Variants in SULF1 observed in about 807,000 individuals in gnomAD.
SULF1 encodes the protein extracellular sulfatase Sulf-1.
Under a neutral mutation model 110.5 loss-of-function variants are expected in SULF1, and 46 were observed. The observed-to-expected ratio is 0.42, with a 90% CI of 0.33 to 0.53. SULF1 has a LOEUF of 0.53. Among genes scored for constraint, SULF1 ranks in the 20% least tolerant of loss-of-function variants. The probability of loss-of-function intolerance (pLI) is 0.12; values close to 1 mark genes in which losing one functional copy is unlikely to be tolerated. For missense variants in SULF1, 941 were observed against 1,094.2 expected (o/e 0.86, Z 1.98); for synonymous variants, 371 against 387.1 (o/e 0.96, Z 0.49).
chr8:69,614,011 A>G lies in SULF1; in HGVS notation c.1378-7024A>G, dbSNP rs186542367. ...GTCTTTGAATCCCAACCCAATACTCATCTCCATTAAAAATGGCTACCTCTT... is the reference window on the plus strand; with the variant it reads ...GTCTTTGAATCCCAACCCAATACTCGTCTCCATTAAAAATGGCTACCTCTT... On this transcript the variant is annotated intron_variant, in intron 13 of 22. Coordinates refer to ENST00000402687, the MANE Select transcript of SULF1 (RefSeq NM_001128205.2). Among the ~76,000 whole-genome samples, 97 of 152,312 alleles carry G rather than the reference A, an allele frequency of 6.4e-4. 2 individuals are homozygous for G. The East Asian group carries it at 0.015, about 24-fold the overall frequency.
At chr8:69,593,130 C>A in intron 8 of SULF1, 1 of 215,550 alleles carries the variant, frequency 4.6e-6, no homozygotes, top group Non-Finnish European at 8.0e-6. Flanking sequence ...GCCTTGAATT[C>A]CTGGCATCTT....
chr8:69,577,910 C>T (rs1805734354), intron 6 of SULF1, among the ~76,000 whole-genome samples: 1 of 152,176 alleles, frequency 6.6e-6, no homozygotes. Context: ...TCTTCTGCCT[C>T]ATTCCAAAAC....
At chr8:69,504,425 C>T (rs553752452) in intron 3 of SULF1, among the ~76,000 whole-genome samples, 4 of 151,982 alleles carry the variant, frequency 2.6e-5, no homozygotes, top group African/African-American at 9.6e-5. Flanking sequence ...CGTGGTGGTG[C>T]GCGCCTGTAA....
intron 19 of SULF1, among the ~76,000 whole-genome samples, chr8:69,633,283 G>C (rs1440980012): frequency 6.7e-6 from 1 of 150,138 alleles, no homozygotes; most frequent in East Asian, 1.9e-4. Context: ...AGATTTTCTG[G>C]TTCCATAGAT....
rs1053414703 is a variant in SULF1, at chr8:69,627,234, T to C, written c.1875T>C (p.Ser625=). Residue 625 remains serine, a synonymous_variant, in exon 16 of 23, where the codon TCT becomes TCC. Transcript: ENST00000402687. ...GGTGTTTTATTCTTCCCAATGACTC[T>C]ATCCATTGTGAGAGAGAACTGTACC... ...THKCFILPND[S]IHCERELYQS... 1.2e-6 allele frequency: 2 copies of C among 1,614,120 alleles called. No homozygotes were observed. Among genetic ancestry groups the C allele is most frequent in the Non-Finnish European group, 1.7e-6 (2 of 1,179,922 alleles).
chr8:69,472,804 C>T (rs2150531515), intron 1 of SULF1, among the ~76,000 whole-genome samples: 1 of 152,298 alleles, frequency 6.6e-6, no homozygotes, highest in South Asian at 2.1e-4. Context: ...CCATGTACTC[C>T]TGCACAGTAG....
chr8:69,554,230 C>A (rs10107234), intron 3 of SULF1, among the ~76,000 whole-genome samples: 54 of 152,020 alleles, frequency 3.6e-4, no homozygotes, highest in African/African-American at 1.3e-3. Flanking sequence ...GTGGAACACC[C>A]CTGGGTGTTT....
rs1806670279 is a variant in SULF1, at chr8:69,588,957, A to G, written c.565-15A>G. 6.3e-7 allele frequency: 1 copy of G among 1,599,202 alleles called. No homozygotes were observed. The highest frequency in any genetic ancestry group is 1.3e-5 in the African/African-American group (1 of 74,626). On this transcript the variant is annotated splice_polypyrimidine_tract_variant and intron_variant, in intron 7 of 22. Coordinates refer to ENST00000402687, the MANE Select transcript of SULF1 (RefSeq NM_001128205.2). ...CCTTTTGTAATTTTTGTTTTGTGTCAAATGTATGTTTCAGGACTACTTCAC... is the reference window on the plus strand; with the variant it reads ...CCTTTTGTAATTTTTGTTTTGTGTCGAATGTATGTTTCAGGACTACTTCAC...
intron 3 of SULF1, among the ~76,000 whole-genome samples, chr8:69,515,181 C>T (rs1216722888): frequency 6.6e-6 from 1 of 152,174 alleles, no homozygotes; most frequent in African/African-American, 2.4e-5. Context: ...CACAGGGCTC[C>T]ACTCCTGCAG....
intron 3 of SULF1, among the ~76,000 whole-genome samples, chr8:69,512,459 G>C (rs1168173381): frequency 1.3e-5 from 2 of 152,106 alleles, no homozygotes; most frequent in South Asian, 2.1e-4. Flanking sequence ...AAGAAATATG[G>C]TATTGTAAAA....
chr8:69,482,598 G>C (rs1184115400), intron 1 of SULF1, among the ~76,000 whole-genome samples: 1 of 151,858 alleles, frequency 6.6e-6, no homozygotes, highest in East Asian at 1.9e-4. Context: ...AGAGAGAGAG[G>C]GGCAGGGGGA....
rs532181408 is a variant in SULF1, at chr8:69,501,075, T to A, written c.-228-799T>A. ...CCATATGTATACGAAGGTACAACTGTAGTCACCAGTGGAAAAGTATGAAGA... is the reference window on the plus strand; with the variant it reads ...CCATATGTATACGAAGGTACAACTGAAGTCACCAGTGGAAAAGTATGAAGA... On this transcript the variant is annotated intron_variant, in intron 2 of 22. Coordinates refer to ENST00000402687, the MANE Select transcript of SULF1 (RefSeq NM_001128205.2). Among the ~76,000 whole-genome samples, 3 of 152,304 alleles carry A rather than the reference T, an allele frequency of 2.0e-5. No homozygotes were observed. The East Asian group carries it at 5.8e-4, about 29-fold the overall frequency.
At chr8:69,474,843 T>G (rs1809234926) in intron 1 of SULF1, among the ~76,000 whole-genome samples, 1 of 152,172 alleles carries the variant, frequency 6.6e-6, no homozygotes, top group Non-Finnish European at 1.5e-5. Flanking sequence ...AAAGATTAGA[T>G]GAGATAATAA....
intron 14 of SULF1, among the ~76,000 whole-genome samples, chr8:69,621,717 C>A (rs951452271): frequency 9.9e-5 from 15 of 152,114 alleles, no homozygotes; most frequent in African/African-American, 3.4e-4. Context: ...TGTTTTAGGA[C>A]AATATATGTA....
intron 22 of SULF1, among the ~76,000 whole-genome samples, chr8:69,656,310 T>C (rs1381576930): frequency 6.6e-6 from 1 of 152,216 alleles, no homozygotes; most frequent in Non-Finnish European, 1.5e-5. Context: ...TTGTTGTCGT[T>C]GTTGTTTATT....
At chr8:69,587,633 T>C (rs1171437493) in intron 7 of SULF1, among the ~76,000 whole-genome samples, 3 of 152,172 alleles carry the variant, frequency 2.0e-5, no homozygotes, top group Non-Finnish European at 4.4e-5. Context: ...TCATCCTAGG[T>C]CATATCCCCA....
At chr8:69,610,641 G>A (rs779493350) in intron 13 of SULF1, among the ~76,000 whole-genome samples, 4 of 152,178 alleles carry the variant, frequency 2.6e-5, no homozygotes, top group Non-Finnish European at 4.4e-5. Context: ...TGTATGAACA[G>A]TTGTTCATCT....
intron 22 of SULF1, among the ~76,000 whole-genome samples, chr8:69,646,426 ATTTTT>A (rs10578329): frequency 1.4e-5 from 2 of 145,068 alleles, no homozygotes; most frequent in Non-Finnish European, 1.5e-5. Flanking sequence ...TATTATCCTC[ATTTTT>A]TTTTTTTTTT....
intron 3 of SULF1, among the ~76,000 whole-genome samples, chr8:69,559,289 T>A (rs4440643): frequency 6.6e-6 from 1 of 152,160 alleles, no homozygotes; most frequent in Non-Finnish European, 1.5e-5. Context: ...CCATTGGTCA[T>A]CTTGTACTTC....
Sources: gnomAD v4.1 joint callset for allele counts (sites outside exome capture counted in the v4.1 genomes callset) on GRCh38, gnomAD v4.1.1 for gene constraint, MANE v1.5 for transcripts, NCBI Gene and HGNC (gene_info 2026-07-23, HGNC 2026-07-21) for gene names.